The following KCNIP3 variants were observed in gnomAD, a reference collection of about 807,000 sequenced individuals.
The protein encoded by KCNIP3 is potassium voltage-gated channel interacting protein 3.
Under a neutral mutation model 35.0 loss-of-function variants are expected in KCNIP3, and 28 were observed. The observed-to-expected ratio is 0.80, with a 90% CI of 0.59 to 1.10. The LOEUF (loss-of-function observed/expected upper bound fraction) is 1.10. Ranked by LOEUF, KCNIP3 falls within the 50% of genes least tolerant of loss-of-function variation. The probability of loss-of-function intolerance (pLI) is 0.00; values close to 1 mark genes in which losing one functional copy is unlikely to be tolerated. For missense variants in KCNIP3, 295 were observed against 338.4 expected (o/e 0.87, Z 1.01); for synonymous variants, 134 against 133.8 (o/e 1.00, Z -0.01).
In KCNIP3 at chr2:95,297,352, T is replaced by A. The variant is rs561389968; in HGVS notation, c.-87T>A. The A allele has an allele frequency of 2.2e-6, 3 of 1,359,940 alleles. No homozygotes were observed. The South Asian group carries it at 3.8e-5, about 17-fold the overall frequency. 84.2% of individuals were successfully genotyped at this position (1,359,940 alleles called of 1,614,324 possible). Reference sequence around the variant, plus strand: ...AATTACGTCTGGGTCCAAGCAAACATGAGGCAGCTGCCAGCCGGCCTGGGC... The same window carrying A: ...AATTACGTCTGGGTCCAAGCAAACAAGAGGCAGCTGCCAGCCGGCCTGGGC... On this transcript the variant is annotated 5_prime_UTR_variant, in exon 1 of 9. An upstream start codon of the reference 5' UTR is lost. Transcript: ENST00000295225.
At chr2:95,379,423 C>A (rs1342560473) in intron 5 of KCNIP3, among the ~76,000 whole-genome samples, 2 of 151,756 alleles carry the variant, frequency 1.3e-5, no homozygotes, top group African/African-American at 4.8e-5. Flanking sequence ...CAGAGGAGGC[C>A]CCCCCACCAG....
intron 2 of KCNIP3, among the ~76,000 whole-genome samples, chr2:95,327,470 TCA>T (rs1365921854): frequency 1.3e-5 from 2 of 148,374 alleles, no homozygotes; most frequent in Non-Finnish European, 3.0e-5. Context: ...CCATGCACAC[TCA>T]CACTCTCTGT....
At chr2:95,297,513 TTCTGGG>T in intron 1 of KCNIP3, 60 bp downstream of exon 1, 1 of 1,068,222 alleles carries the variant, frequency 9.4e-7, no homozygotes. Flanking sequence ...GAATGGAGGC[TTCTGGG>T]GGTTGCTCTG....
intron 1 of KCNIP3, 88 bp from the exon 2 acceptor site, chr2:95,310,267 C>T (rs1678276085): frequency 6.7e-7 from 1 of 1,495,304 alleles, no homozygotes. Flanking sequence ...AGGCTGGCCT[C>T]ATCTAGGATA....
intron 2 of KCNIP3, among the ~76,000 whole-genome samples, chr2:95,343,450 G>C (rs1297953733): frequency 4.6e-5 from 7 of 152,164 alleles, no homozygotes; most frequent in Admixed American, 3.9e-4. Flanking sequence ...GCCTCCCCCA[G>C]CCCCACTCCG....
At chr2:95,353,916 G>A (rs1383740987) in intron 2 of KCNIP3, among the ~76,000 whole-genome samples, 1 of 152,248 alleles carries the variant, frequency 6.6e-6, no homozygotes, top group Admixed American at 6.5e-5. Context: ...ACTGGCATCT[G>A]GGGGTTACAG....
chr2:95,373,061 C>T (rs540515701), intron 2 of KCNIP3, among the ~76,000 whole-genome samples: 1 of 152,282 alleles, frequency 6.6e-6, no homozygotes, highest in East Asian at 1.9e-4. Context: ...CTGAAGAGCT[C>T]ACTGTGCAGT....
intron 2 of KCNIP3, among the ~76,000 whole-genome samples, chr2:95,359,616 G>A (rs1485358777): frequency 6.6e-6 from 1 of 152,214 alleles, no homozygotes; most frequent in African/African-American, 2.4e-5. Flanking sequence ...CATTGTCCTA[G>A]CAAGGACTCT....
intron 2 of KCNIP3, among the ~76,000 whole-genome samples, chr2:95,318,869 G>A (rs769009787): frequency 9.2e-5 from 14 of 152,208 alleles, no homozygotes; most frequent in Non-Finnish European, 2.1e-4. Flanking sequence ...AAACAAAGAT[G>A]AGCTGGTGTA....
chr2:95,309,790 G>A (rs1320922579), intron 1 of KCNIP3, among the ~76,000 whole-genome samples: 1 of 152,210 alleles, frequency 6.6e-6, no homozygotes, highest in African/African-American at 2.4e-5. Flanking sequence ...CATAGCTGGA[G>A]CTGTTTCTTC....
intron 2 of KCNIP3, among the ~76,000 whole-genome samples, chr2:95,324,236 G>A (rs948932075): frequency 2.0e-5 from 3 of 152,266 alleles, no homozygotes; most frequent in African/African-American, 7.2e-5. Flanking sequence ...TGAGGGCCGG[G>A]CGCGGTGGCT....
chr2:95,327,755 CATCT>C lies in KCNIP3; in HGVS notation c.181+17236_181+17239del, dbSNP rs558446731. ...TGAGAGAGGGAATGGTTTGTCCATC[CATCT>C]GTTTGTCCATCTATCCGTCCAACAC... On this transcript the variant is annotated intron_variant, in intron 2 of 8. Transcript: ENST00000295225. Among the ~76,000 whole-genome samples, 16 of 152,320 alleles carry C rather than the reference CATCT, an allele frequency of 1.1e-4. No individual in the cohort carries two copies. In the South Asian group the frequency reaches 1.9e-3, roughly 18 times the overall value.
At chr2:95,341,178 G>A (rs1679185019) in intron 2 of KCNIP3, among the ~76,000 whole-genome samples, 1 of 152,142 alleles carries the variant, frequency 6.6e-6, no homozygotes, top group East Asian at 1.9e-4. Context: ...GCATCCACTT[G>A]GAGCTGTTCT....
intron 2 of KCNIP3, chr2:95,368,834 G>C (rs1449034996): frequency 1.4e-5 from 3 of 209,498 alleles, no homozygotes; most frequent in Middle Eastern, 1.9e-3. Flanking sequence ...GTCGTCATCA[G>C]AGTTCTGACT....
intron 1 of KCNIP3, among the ~76,000 whole-genome samples, chr2:95,305,752 G>A (rs771361341): frequency 5.3e-5 from 8 of 152,202 alleles, no homozygotes; most frequent in Non-Finnish European, 8.8e-5. Flanking sequence ...CACACAGAAT[G>A]TGACCTTTTG....
At chr2:95,304,412 C>G (rs71427025) in intron 1 of KCNIP3, among the ~76,000 whole-genome samples, 2,687 of 152,248 alleles carry the variant, frequency 0.018, 30 homozygotes, top group Non-Finnish European at 0.028. Context: ...GAGCTGAGGC[C>G]GTGCCCTCCC....
intron 2 of KCNIP3, among the ~76,000 whole-genome samples, chr2:95,365,166 T>TC (rs1679888391): frequency 6.7e-6 from 1 of 149,504 alleles, no homozygotes; most frequent in Non-Finnish European, 1.5e-5. Context: ...GTCTTTTTTT[T>TC]TTTTTTTTTT....
chr2:95,346,428 T>C (rs921512886), intron 2 of KCNIP3, among the ~76,000 whole-genome samples: 1 of 150,936 alleles, frequency 6.6e-6, no homozygotes, highest in South Asian at 2.1e-4. Context: ...GACTCCGTCC[T>C]GGGCTGGCCC....
At chr2:95,335,254 GA>G (rs1173077801) in intron 2 of KCNIP3, among the ~76,000 whole-genome samples, 3 of 152,162 alleles carry the variant, frequency 2.0e-5, no homozygotes, top group Non-Finnish European at 4.4e-5. Context: ...ACTTCTTGTG[GA>G]ATGTATCTAC....
Sources: allele counts gnomAD v4.1 joint callset (sites outside exome capture counted in the v4.1 genomes callset), GRCh38; gene constraint gnomAD v4.1.1; transcripts MANE v1.5; gene names NCBI Gene and HGNC (gene_info 2026-07-23, HGNC 2026-07-21).